MAP3K1: variants seen among roughly 807,000 people sequenced by gnomAD.
MAP3K1 encodes mitogen-activated protein kinase kinase kinase 1, also known as MAP/ERK kinase kinase 1.
A neutral mutation model predicts 144.2 loss-of-function variants in MAP3K1; 36 were observed. That is an observed-to-expected ratio of 0.25 (90% CI 0.19 to 0.33). The LOEUF (loss-of-function observed/expected upper bound fraction) is 0.33, where lower values mean the gene tolerates loss of function less well. Ranked by LOEUF, MAP3K1 falls within the 10% of genes least tolerant of loss-of-function variation. MAP3K1 has a pLI of 1.00. For missense variants in MAP3K1, 1,650 were observed against 1,881.9 expected, an observed-to-expected ratio of 0.88 and a Z score of 2.28; for synonymous variants, 718 against 688.7, an observed-to-expected ratio of 1.04 and a Z score of -0.67.
chr5:56,816,475 C>A (rs1730601686), intron 1 of MAP3K1, among the ~76,000 whole-genome samples: 1 of 151,988 alleles, frequency 6.6e-6, no homozygotes, highest in Non-Finnish European at 1.5e-5. Context: ...AGGCCCGAGC[C>A]TGAGGCGGGC....
chr5:56,854,668 A>C (rs1216675002), intron 1 of MAP3K1, among the ~76,000 whole-genome samples: 3 of 152,168 alleles, frequency 2.0e-5, no homozygotes, highest in African/African-American at 7.2e-5. Flanking sequence ...GCCATCCAGA[A>C]AGATTTGTTT....
intron 19 of MAP3K1, 84 bp downstream of exon 19, chr5:56,888,441 C>G: frequency 8.7e-7 from 1 of 1,147,474 alleles, no homozygotes; most frequent in Non-Finnish European, 1.3e-6. Flanking sequence ...TGGGTTCTCC[C>G]TAACAATCTA....
At chr5:56,819,413 A>T (rs1477074512) in intron 1 of MAP3K1, among the ~76,000 whole-genome samples, 1 of 140,570 alleles carries the variant, frequency 7.1e-6, no homozygotes, top group Non-Finnish European at 1.6e-5. Context: ...GGAAGAAAGG[A>T]GTGTTTTTTT....
chr5:56,854,894 T>G (rs888689321), intron 1 of MAP3K1, among the ~76,000 whole-genome samples: 7 of 152,166 alleles, frequency 4.6e-5, no homozygotes, highest in African/African-American at 1.7e-4. Context: ...GGAACTAGCC[T>G]GGGAACCAAA....
Position 56,893,688 on chromosome 5 carries a change from T to A in MAP3K1, c.*8T>A. ...TTTCGTACTACATGGTAGCCAATTA[T>A]GCAGATCAACTACAGTAGAAACAGG... is the stretch of plus-strand genomic sequence containing the variant. On this transcript the variant is annotated 3_prime_UTR_variant, in exon 20 of 20. Transcript: ENST00000399503. 6.2e-7 allele frequency: 1 copy of A among 1,613,692 alleles called. No homozygotes were observed. The highest frequency in any genetic ancestry group is 1.1e-5 in the South Asian group (1 of 91,076).
At chr5:56,848,248 T>A (rs1202551266) in intron 1 of MAP3K1, among the ~76,000 whole-genome samples, 2 of 152,244 alleles carry the variant, frequency 1.3e-5, no homozygotes, top group African/African-American at 4.8e-5. Flanking sequence ...ATAAAAACTT[T>A]CGAATATTCT....
chr5:56,859,783 A>G lies in MAP3K1; in HGVS notation c.702A>G (p.Gly234=). ...EMNHLAAESP[G]EVQASAASPA... ...ATCACTTAGCAGCTGAGTCTCCAGG[A>G]GAGGTCCAGGCAAGTGCGGCTTCAC... Residue 234 remains glycine (G), a synonymous_variant, in exon 3 of 20, where the codon GGA becomes GGG. Transcript: ENST00000399503. 4 of 1,614,096 alleles carry G rather than the reference A, an allele frequency of 2.5e-6. No individual in the cohort carries two copies. The highest frequency in any genetic ancestry group is 3.4e-6 in the Non-Finnish European group (4 of 1,180,014).
At chr5:56,875,715 A>G (rs1748004461) in intron 10 of MAP3K1, among the ~76,000 whole-genome samples, 2 of 152,274 alleles carry the variant, frequency 1.3e-5, no homozygotes, top group South Asian at 4.1e-4. Context: ...AAAACAAAAC[A>G]GAACAACAAC....
At chr5:56,817,081 C>G (rs2111733587) in intron 1 of MAP3K1, 1 of 985,376 alleles carries the variant, frequency 1.0e-6, no homozygotes, top group Non-Finnish European at 1.2e-6. Flanking sequence ...GGCTCAGATG[C>G]GTCTTCTGGT....
chr5:56,829,688 C>T (rs1746430717), intron 1 of MAP3K1, among the ~76,000 whole-genome samples: 1 of 152,174 alleles, frequency 6.6e-6, no homozygotes, highest in Admixed American at 6.5e-5. Flanking sequence ...TTACTCTGTG[C>T]TGCTAGCACG....
intron 6 of MAP3K1, among the ~76,000 whole-genome samples, chr5:56,867,303 A>G (rs1295637504): frequency 1.3e-5 from 2 of 152,232 alleles, no homozygotes; most frequent in Non-Finnish European, 2.9e-5. Context: ...CTGAGATTGT[A>G]CTGTACATAC....
At chr5:56,873,146 T>A in intron 9 of MAP3K1, 141 bp downstream of exon 9, 2 of 782,310 alleles carry the variant, frequency 2.6e-6, no homozygotes, top group Non-Finnish European at 4.2e-6. Flanking sequence ...CTGGAAATTT[T>A]AATGTTACTT....
At chr5:56,832,212 T>C (rs1296598183) in intron 1 of MAP3K1, among the ~76,000 whole-genome samples, 1 of 152,064 alleles carries the variant, frequency 6.6e-6, no homozygotes, top group African/African-American at 2.4e-5. Flanking sequence ...TTCAGAAGGG[T>C]AAAAATAAAA....
At chr5:56,883,761 CCACGTGTGTGTACTTTAGTT>C in intron 15 of MAP3K1, 82 bp downstream of exon 15, 2 of 1,390,520 alleles carry the variant, frequency 1.4e-6, no homozygotes, top group Non-Finnish European at 2.0e-6. Flanking sequence ...AAGGATATGT[CCACGTGTGTGTACTTTAGTT>C]CTTTAAACTT....
At chr5:56,846,371 C>G (rs546138560) in intron 1 of MAP3K1, among the ~76,000 whole-genome samples, 1 of 152,282 alleles carries the variant, frequency 6.6e-6, no homozygotes, top group African/African-American at 2.4e-5. Context: ...TCTTTTATGC[C>G]TACACACCAA....
chr5:56,818,494 T>A (rs1165848930), intron 1 of MAP3K1, among the ~76,000 whole-genome samples: 1 of 152,156 alleles, frequency 6.6e-6, no homozygotes, highest in Admixed American at 6.5e-5. Flanking sequence ...GAAAATATAC[T>A]TTGAATTAGA....
chr5:56,827,500 C>T (rs1478148534), intron 1 of MAP3K1, among the ~76,000 whole-genome samples: 1 of 152,176 alleles, frequency 6.6e-6, no homozygotes, highest in Non-Finnish European at 1.5e-5. Flanking sequence ...GAATTCCATC[C>T]ACTGTGGTCC....
At chr5:56,852,051 A>G (rs1373009356) in intron 1 of MAP3K1, 1 of 151,066 alleles carries the variant, frequency 6.6e-6, no homozygotes, top group East Asian at 2.0e-4. Context: ...CATTGAAGCC[A>G]TATTGAGATG....
chr5:56,823,043 A>G (rs1392903624), intron 1 of MAP3K1, among the ~76,000 whole-genome samples: 1 of 152,174 alleles, frequency 6.6e-6, no homozygotes, highest in African/African-American at 2.4e-5. Context: ...TCCAATCTGT[A>G]TTAGGTGGCC....
Sources: gnomAD v4.1 joint callset for allele counts (sites outside exome capture counted in the v4.1 genomes callset) on GRCh38, gnomAD v4.1.1 for gene constraint, MANE v1.5 for transcripts, NCBI Gene and HGNC (gene_info 2026-07-23, HGNC 2026-07-21) for gene names.